Variants in SEMA4A observed in about 807,000 individuals in gnomAD.
SEMA4A encodes semaphorin-4A.
Under a neutral mutation model 72.5 loss-of-function variants are expected in SEMA4A, and 52 were observed. That is an observed-to-expected ratio of 0.72 (90% CI 0.57 to 0.90). The LOEUF (loss-of-function observed/expected upper bound fraction) is 0.90, where lower values mean the gene tolerates loss of function less well. Ranked by LOEUF, SEMA4A falls within the 40% of genes least tolerant of loss-of-function variation. The pLI, the probability that SEMA4A is intolerant of heterozygous loss-of-function variation, is 0.00. For missense variants in SEMA4A, 926 were observed against 959.7 expected, an observed-to-expected ratio of 0.96 and a Z score of 0.46; for synonymous variants, 369 against 393.1, an observed-to-expected ratio of 0.94 and a Z score of 0.73.
chr1:156,165,432 G>A (rs1393729932), intron 10 of SEMA4A, among the ~76,000 whole-genome samples: 1 of 152,018 alleles, frequency 6.6e-6, no homozygotes, highest in African/African-American at 2.4e-5. Flanking sequence ...AGGATACATG[G>A]CAGGTAAAAC....
intron 6 of SEMA4A, chr1:156,159,110 G>A: frequency 2.3e-6 from 1 of 438,590 alleles, no homozygotes; most frequent in Non-Finnish European, 4.2e-6. Flanking sequence ...GAGGTGGGTG[G>A]ATCATGTGAC....
chr1:156,157,197 T>C lies in SEMA4A; in HGVS notation c.300+623T>C, dbSNP rs1353954912. On this transcript the variant is annotated intron_variant, in intron 3 of 14. Transcript: ENST00000368285. This position sits in a 1 kb window ranked among gnomAD's most constrained non-coding sequence, Gnocchi z 4.5. Reference sequence around the variant, plus strand: ...AAATCACTGATGCTTCTGTGTCTTTTTTTTTTTGAGATGGAGTCTCACTCT... The same window carrying C: ...AAATCACTGATGCTTCTGTGTCTTTCTTTTTTTGAGATGGAGTCTCACTCT... 6.6e-6 allele frequency among the ~76,000 whole-genome samples: 1 copy of C among 152,114 alleles called. No homozygotes were observed. Among genetic ancestry groups the C allele is most frequent in the African/African-American group, 2.4e-5 (1 of 41,406 alleles).
At chr1:156,161,320 C>T (rs1268497196) in intron 8 of SEMA4A, 26 bp from the exon 9 acceptor site, 20 of 1,572,456 alleles carry the variant, frequency 1.3e-5, no homozygotes, top group East Asian at 2.4e-5. Context: ...GCCCGGGGCG[C>T]CCCCTGACTC....
intron 7 of SEMA4A, 112 bp downstream of exon 7, chr1:156,160,671 G>C (rs1372209807): frequency 1.9e-6 from 2 of 1,070,670 alleles, no homozygotes; most frequent in Admixed American, 1.9e-5. Context: ...AGGCGCAGGG[G>C]GTATATGGCA....
Position 156,160,509 on chromosome 1 carries a change from T to C in SEMA4A, c.635T>C (p.Leu212Pro). The C allele has an allele frequency of 1.2e-6, 2 of 1,614,170 alleles. No individual in the cohort carries two copies. Among genetic ancestry groups the C allele is most frequent in the South Asian group, 2.2e-5 (2 of 91,086 alleles). Residue 212 changes from leucine to proline, a missense_variant, in exon 7 of 15, where the codon CTG becomes CCG. Physicochemically the swap from Leu to Pro is moderately conservative, Grantham distance 98. Transcript: ENST00000368285. ...AGTGAGCCCATCCTGATGCGCACAC[T>C]GGGATCCCAGCCTGTCCTCAAGACC... ...LGSEPILMRT[L>P]GSQPVLKTDN... is the part of the protein sequence containing the mutation.
At chr1:156,159,888 T>C (rs1653412918) in intron 6 of SEMA4A, among the ~76,000 whole-genome samples, 1 of 137,816 alleles carries the variant, frequency 7.3e-6, no homozygotes. Flanking sequence ...ACCACTGCAC[T>C]CCAGCCTGGA....
intron 10 of SEMA4A, among the ~76,000 whole-genome samples, chr1:156,164,857 A>G (rs1264740764): frequency 2.0e-5 from 3 of 151,726 alleles, no homozygotes; most frequent in Admixed American, 2.0e-4. Flanking sequence ...CTGGAGTGCA[A>G]TGGCGTGATC....
chr1:156,176,051 G>A (rs561642752), intron 14 of SEMA4A, among the ~76,000 whole-genome samples: 1 of 152,226 alleles, frequency 6.6e-6, no homozygotes, highest in Non-Finnish European at 1.5e-5. Context: ...GGCTGAGGCG[G>A]GACTCCCTTC....
intron 1 of SEMA4A, among the ~76,000 whole-genome samples, chr1:156,154,200 G>A (rs1652784775): frequency 6.6e-6 from 1 of 152,128 alleles, no homozygotes; most frequent in South Asian, 2.1e-4. Flanking sequence ...GTTTGGGCTT[G>A]GGCTATGAGA....
chr1:156,177,035 G>A lies in SEMA4A; in HGVS notation c.*38G>A, dbSNP rs1030682748. Reference sequence around the variant, plus strand: ...GGCCGGGGCTGCGGTGCAGGCACCTGGCCATGCTGGCTGGGCGGCCCAAGC... The same window carrying A: ...GGCCGGGGCTGCGGTGCAGGCACCTAGCCATGCTGGCTGGGCGGCCCAAGC... On this transcript the variant is annotated 3_prime_UTR_variant, in exon 15 of 15. Coordinates refer to ENST00000368285, the MANE Select transcript of SEMA4A (RefSeq NM_022367.4). The A allele has an allele frequency of 6.3e-7, 1 of 1,581,506 alleles. No homozygotes were observed. Among genetic ancestry groups the A allele is most frequent in the Admixed American group, 1.7e-5 (1 of 59,706 alleles).
In SEMA4A at chr1:156,157,877, A is replaced by G. The variant is rs113726159; in HGVS notation, c.301-193A>G. ...TTCCTTAGGCTGTGTTCAACTATGG[A>G]GCTATGTCTGATACCAGTATTATTC... On this transcript the variant is annotated intron_variant, in intron 3 of 14. Transcript: ENST00000368285. This position sits in a 1 kb window ranked among gnomAD's most constrained non-coding sequence, Gnocchi z 4.5. 1.3e-5 allele frequency among the ~76,000 whole-genome samples: 2 copies of G among 152,268 alleles called. No homozygotes were observed. Among genetic ancestry groups the G allele is most frequent in the African/African-American group, 4.8e-5 (2 of 41,550 alleles).
rs1381169511 is a variant in SEMA4A, at chr1:156,177,055, C to A, written c.*58C>A. 2.1e-6 allele frequency: 3 copies of A among 1,444,752 alleles called. No homozygotes were observed. Among genetic ancestry groups the A allele is most frequent in the African/African-American group, 2.8e-5 (2 of 71,536 alleles). The allele number at this position is 1,444,752 out of a possible 1,614,324, so 89.5% of individuals were successfully genotyped here. On this transcript the variant is annotated 3_prime_UTR_variant, in exon 15 of 15. Transcript: ENST00000368285. ...CACCTGGCCATGCTGGCTGGGCGGC[C>A]CAAGCACAGCCCTGACTAGGATGAC...
At chr1:156,172,108 ATTTATT>A (rs1654853271) in intron 10 of SEMA4A, among the ~76,000 whole-genome samples, 1 of 141,364 alleles carries the variant, frequency 7.1e-6, no homozygotes, top group African/African-American at 2.7e-5. Context: ...TTATTTATTT[ATTTATT>A]TATTTATTTA....
intron 6 of SEMA4A, among the ~76,000 whole-genome samples, chr1:156,159,370 G>A (rs1558149299): frequency 2.6e-5 from 4 of 152,106 alleles, no homozygotes; most frequent in African/African-American, 9.7e-5. Context: ...AGGACAGAGA[G>A]AGAGAGGGAA....
chr1:156,157,981 C>A lies in SEMA4A; in HGVS notation c.301-89C>A. ...TAACCACCATGTCTGCTGGTTATTT[C>A]ACATCAGAGCAGAGAAGGGAGGCAG... On this transcript the variant is annotated intron_variant, in intron 3 of 14. Transcript: ENST00000368285. This position sits in a 1 kb window ranked among gnomAD's most constrained non-coding sequence, Gnocchi z 4.5. The A allele has an allele frequency of 7.6e-7, 1 of 1,312,212 alleles. No individual in the cohort carries two copies. Among genetic ancestry groups the A allele is most frequent in the Non-Finnish European group, 1.1e-6 (1 of 917,552 alleles). The allele number at this position is 1,312,212 out of a possible 1,614,324, so 81.3% of individuals were successfully genotyped here.
upstream of SEMA4A, among the ~76,000 whole-genome samples, chr1:156,151,766 G>A (rs933522538): frequency 6.7e-6 from 1 of 149,966 alleles, no homozygotes; most frequent in Non-Finnish European, 1.5e-5. Flanking sequence ...AACCCGGGAG[G>A]TGGAGGTTGC....
chr1:156,176,343 T>A, intron 14 of SEMA4A, 62 bp from the exon 15 acceptor site: 1 of 1,226,616 alleles, frequency 8.2e-7, no homozygotes, highest in Non-Finnish European at 1.2e-6. Flanking sequence ...GGTTAGAGAC[T>A]CTCTCCTGTC....
intron 10 of SEMA4A, 66 bp from the exon 11 acceptor site, chr1:156,172,760 C>A (rs190126157): frequency 7.1e-7 from 1 of 1,405,220 alleles, no homozygotes; most frequent in South Asian, 1.2e-5. Context: ...GAAGAGCAGG[C>A]GTTGGAGGGA....
At position 156,158,466 on chromosome 1, in the gene SEMA4A, A is replaced by G; in HGVS notation, c.442A>G (p.Ser148Gly). 1 of 1,613,576 alleles carries G rather than the reference A, an allele frequency of 6.2e-7. No individual in the cohort carries two copies. Among genetic ancestry groups the G allele is most frequent in the Non-Finnish European group, 8.5e-7 (1 of 1,179,530 alleles). Residue 148 changes from serine (S) to glycine (G), a missense_variant, in exon 5 of 15, where the codon AGC becomes GGC. Coordinates refer to ENST00000368285, the MANE Select transcript of SEMA4A (RefSeq NM_022367.4). ...HLYTCGTFAF[S>G]PACTFIELQD... ...CTACACCTGCGGCACCTTCGCCTTCAGCCCTGCTTGTACCTTCATTGTGAG... is the reference window on the plus strand; with the variant it reads ...CTACACCTGCGGCACCTTCGCCTTCGGCCCTGCTTGTACCTTCATTGTGAG...
Sources: allele counts gnomAD v4.1 joint callset (sites outside exome capture counted in the v4.1 genomes callset), GRCh38; gene constraint gnomAD v4.1.1; non-coding constraint Gnocchi (gnomAD v3.1); transcripts MANE v1.5; gene names NCBI Gene and HGNC (gene_info 2026-07-23, HGNC 2026-07-21).